The following LIN7A variants were observed in gnomAD, a reference collection of about 807,000 sequenced individuals.
LIN7A encodes the protein lin-7 cell polarity scaffold A.
Under a neutral mutation model 29.8 loss-of-function variants are expected in LIN7A, and 25 were observed. The ratio of observed to expected loss-of-function variants is 0.84; its 90% confidence interval spans 0.61 to 1.17. The LOEUF (loss-of-function observed/expected upper bound fraction) is 1.17, where lower values mean the gene tolerates loss of function less well. Ranked by LOEUF, LIN7A falls within the 50% of genes most tolerant of loss-of-function variation. LIN7A has a pLI of 0.00. For synonymous variants in LIN7A, 118 were observed against 107.5 expected (o/e 1.10, Z -0.60); for missense variants, 239 against 287.0 (o/e 0.83, Z 1.21).
chr12:80,882,893 A>T (rs1875135515), intron 2 of LIN7A, among the ~76,000 whole-genome samples: 1 of 152,182 alleles, frequency 6.6e-6, no homozygotes, highest in African/African-American at 2.4e-5. Context: ...CAAAACCAAG[A>T]TCACAGAAAT....
At chr12:80,863,678 C>T (rs891598810) in intron 2 of LIN7A, among the ~76,000 whole-genome samples, 1 of 152,102 alleles carries the variant, frequency 6.6e-6, no homozygotes, top group African/African-American at 2.4e-5. Flanking sequence ...TATGATGTGG[C>T]ATTTTGACAT....
chr12:80,807,080 T>TTTTTTTTGTTTTTTG (rs1555221377), intron 5 of LIN7A, among the ~76,000 whole-genome samples: 2 of 134,686 alleles, frequency 1.5e-5, no homozygotes, highest in African/African-American at 5.7e-5. Context: ...TTTTTTTTTT[T>TTTTTTTTGTTTTTTG]TTTTTTTTTT....
chr12:80,881,375 C>G (rs1875026430), intron 2 of LIN7A, among the ~76,000 whole-genome samples: 1 of 152,166 alleles, frequency 6.6e-6, no homozygotes, highest in East Asian at 1.9e-4. Context: ...TTAATGTGAA[C>G]AGAAAGAGAT....
chr12:80,839,786 TA>T (rs1304213071), intron 4 of LIN7A, among the ~76,000 whole-genome samples: 1 of 152,198 alleles, frequency 6.6e-6, no homozygotes, highest in Non-Finnish European at 1.5e-5. Context: ...TTGATATAGG[TA>T]TTTATAAAAT....
At chr12:80,800,833 A>G (rs2121483214) in intron 5 of LIN7A, among the ~76,000 whole-genome samples, 1 of 152,244 alleles carries the variant, frequency 6.6e-6, no homozygotes, top group Non-Finnish European at 1.5e-5. Flanking sequence ...ATCTCTCAAG[A>G]ACATAAATTT....
At chr12:80,826,850 C>T (rs1872104666) in intron 4 of LIN7A, among the ~76,000 whole-genome samples, 1 of 152,064 alleles carries the variant, frequency 6.6e-6, no homozygotes, top group South Asian at 2.1e-4. Context: ...CATGCCCTTG[C>T]TTAAAATCTA....
At chr12:80,925,298 G>T (rs922808225) in intron 1 of LIN7A, among the ~76,000 whole-genome samples, 3 of 152,188 alleles carry the variant, frequency 2.0e-5, no homozygotes, top group Admixed American at 2.0e-4. Context: ...AGAGCAGAAT[G>T]GCAAATTAGG....
At chr12:80,842,328 T>C (rs1202753667) in intron 4 of LIN7A, among the ~76,000 whole-genome samples, 1 of 152,122 alleles carries the variant, frequency 6.6e-6, no homozygotes, top group Non-Finnish European at 1.5e-5. Context: ...ACATCTGATG[T>C]GTTGTCCTGC....
chr12:80,897,072 T>C (rs1470116283), intron 1 of LIN7A, among the ~76,000 whole-genome samples: 1 of 152,208 alleles, frequency 6.6e-6, no homozygotes, highest in Non-Finnish European at 1.5e-5. Context: ...TTTCTTTTTC[T>C]TCTTTCCTGT....
At chr12:80,869,117 TTAAAC>T (rs553631359) in intron 2 of LIN7A, among the ~76,000 whole-genome samples, 168 of 150,552 alleles carry the variant, frequency 1.1e-3, no homozygotes, top group African/African-American at 3.7e-3. Flanking sequence ...ATGTAGCACT[TTAAAC>T]TAAAGTATCT....
At chr12:80,922,562 C>A (rs768482511) in intron 1 of LIN7A, among the ~76,000 whole-genome samples, 1 of 152,100 alleles carries the variant, frequency 6.6e-6, no homozygotes, top group East Asian at 1.9e-4. Flanking sequence ...ACTAGCACAG[C>A]CTGGGAAGAA....
chr12:80,848,866 G>GT (rs1592892325), intron 2 of LIN7A, among the ~76,000 whole-genome samples: 1 of 151,992 alleles, frequency 6.6e-6, no homozygotes, highest in Non-Finnish European at 1.5e-5. Flanking sequence ...AGGTTGAAAG[G>GT]TTTTTTTCTT....
chr12:80,826,351 C>T (rs1872078616), intron 4 of LIN7A, among the ~76,000 whole-genome samples: 1 of 152,158 alleles, frequency 6.6e-6, no homozygotes, highest in Non-Finnish European at 1.5e-5. Context: ...AAGTTGGACC[C>T]TCCTGGGGAC....
intron 1 of LIN7A, among the ~76,000 whole-genome samples, chr12:80,930,510 T>G (rs1173367423): frequency 3.3e-5 from 5 of 152,230 alleles, no homozygotes; most frequent in African/African-American, 1.2e-4. Flanking sequence ...TTCATGTATT[T>G]ATGGTTAAAA....
At chr12:80,910,417 A>C (rs1876695396) in intron 1 of LIN7A, among the ~76,000 whole-genome samples, 2 of 152,162 alleles carry the variant, frequency 1.3e-5, no homozygotes, top group Non-Finnish European at 2.9e-5. Flanking sequence ...ATAAAATGCT[A>C]AGTAGAAGTG....
chr12:80,864,162 T>C (rs980148490), intron 2 of LIN7A, among the ~76,000 whole-genome samples: 1 of 152,190 alleles, frequency 6.6e-6, no homozygotes, highest in African/African-American at 2.4e-5. Context: ...GCAACTGTTA[T>C]TATTTCTGTG....
chr12:80,910,425 G>A (rs1324360087), intron 1 of LIN7A, among the ~76,000 whole-genome samples: 8 of 152,130 alleles, frequency 5.3e-5, no homozygotes, highest in African/African-American at 1.9e-4. Context: ...CTAAGTAGAA[G>A]TGATGAGGCA....
intron 1 of LIN7A, chr12:80,937,287 C>T (rs1878288720): frequency 2.1e-5 from 5 of 236,266 alleles, no homozygotes; most frequent in Non-Finnish European, 4.1e-5. Context: ...GCTCTCTGCC[C>T]CTCTCCAACC....
chr12:80,836,343 A>G (rs1872588021), intron 4 of LIN7A, among the ~76,000 whole-genome samples: 1 of 152,184 alleles, frequency 6.6e-6, no homozygotes, highest in Non-Finnish European at 1.5e-5. Context: ...TCACCCTTCA[A>G]AGAGGCCATT....
Sources: allele counts gnomAD v4.1 joint callset (sites outside exome capture counted in the v4.1 genomes callset), GRCh38; gene constraint gnomAD v4.1.1; transcripts MANE v1.5; gene names NCBI Gene and HGNC (gene_info 2026-07-23, HGNC 2026-07-21).